The following CFAP92 variants were observed in gnomAD, a reference collection of about 807,000 sequenced individuals.
CFAP92 encodes the protein uncharacterized protein CFAP92.
Under a neutral mutation model 106.3 loss-of-function variants are expected in CFAP92, and 86 were observed. That is an observed-to-expected ratio of 0.81 (90% CI 0.68 to 0.97). The LOEUF (loss-of-function observed/expected upper bound fraction) is 0.97, where lower values mean the gene tolerates loss of function less well. Ranked by LOEUF, CFAP92 falls within the 50% of genes least tolerant of loss-of-function variation. The pLI is 0.00. For synonymous variants in CFAP92, 477 were observed against 506.4 expected, an observed-to-expected ratio of 0.94 and a Z score of 0.78; for missense variants, 1,204 against 1,283.8, an observed-to-expected ratio of 0.94 and a Z score of 0.95.
At position 128,982,611 on chromosome 3, in the gene CFAP92, A is replaced by G. The variant is rs529532900; in HGVS notation, c.668-4426T>C. On this transcript the variant is annotated intron_variant, in intron 4 of 15. Transcript: ENST00000645291. ...GCACAAGAGGCCTAGCTTTCATCCT[A>G]TCTAGGCTTTTCGATGTGGCTTCCT... Among the ~76,000 whole-genome samples the G allele has an allele frequency of 2.6e-5, 4 of 152,258 alleles. No individual in the cohort carries two copies. In the South Asian group the frequency reaches 8.3e-4, roughly 32 times the overall value.
In CFAP92 at chr3:128,932,682, G is replaced by A; in HGVS notation, c.2751+18C>T. 1 of 1,521,302 alleles carries A rather than the reference G, an allele frequency of 6.6e-7. No individual in the cohort carries two copies. The highest frequency in any genetic ancestry group is 1.2e-5 in the South Asian group (1 of 81,680). The allele number at this position is 1,521,302 out of a possible 1,614,324, so 94.2% of individuals were successfully genotyped here. On this transcript the variant is annotated intron_variant, in intron 12 of 15. Transcript: ENST00000645291. ...GGTGAGGCCTGGGAACCCCAAGTTG[G>A]GGAGGAAGGCGGCCCACCTGGATGA... is the stretch of plus-strand genomic sequence containing the variant.
chr3:128,939,975 G>A (rs1939468329), intron 10 of CFAP92, among the ~76,000 whole-genome samples: 1 of 152,254 alleles, frequency 6.6e-6, no homozygotes, highest in South Asian at 2.1e-4. Flanking sequence ...CCATGGCCTA[G>A]GGGTTGGAGA....
At chr3:128,986,871 C>A (rs1576633606) in intron 4 of CFAP92, among the ~76,000 whole-genome samples, 2 of 152,194 alleles carry the variant, frequency 1.3e-5, no homozygotes, top group East Asian at 3.9e-4. Context: ...AAAAGACTTT[C>A]TGACATTGGC....
At chr3:128,999,163 C>G (rs1032740294) in intron 1 of CFAP92, among the ~76,000 whole-genome samples, 3 of 152,200 alleles carry the variant, frequency 2.0e-5, no homozygotes, top group Admixed American at 2.0e-4. Context: ...CACAGACACA[C>G]GCCCATCCCC....
intron 12 of CFAP92, among the ~76,000 whole-genome samples, chr3:128,924,288 C>T (rs1409604956): frequency 6.6e-6 from 1 of 152,020 alleles, no homozygotes; most frequent in East Asian, 1.9e-4. Context: ...TGCTGCACCA[C>T]AATCTAAGCC....
In CFAP92 at chr3:128,975,803, T is replaced by G. The variant is rs1943117243; in HGVS notation, c.997A>C (p.Ile333Leu). 6.2e-7 allele frequency: 1 copy of G among 1,603,106 alleles called. No individual in the cohort carries two copies. Among genetic ancestry groups the G allele is most frequent in the African/African-American group, 1.3e-5 (1 of 74,798 alleles). The change falls in exon 7 of 16, where the codon ATA becomes CTA. Residue 333 changes from isoleucine to leucine, a missense_variant. Physicochemically the swap from Ile to Leu is conservative, Grantham distance 5. Transcript: ENST00000645291. ...CTTTGAGACCTTTGTCTGTCTAATA[T>G]GTTTGTTAAGCTGCTAAGTGATTCA... ...ESESLSSLTNILDRQRSQIKG... is the reference protein window; with the variant it reads ...ESESLSSLTNLLDRQRSQIKG...
upstream of CFAP92, among the ~76,000 whole-genome samples, chr3:129,004,298 C>A (rs1322873222): frequency 6.6e-6 from 1 of 152,038 alleles, no homozygotes; most frequent in Non-Finnish European, 1.5e-5. Context: ...TCCATTTATC[C>A]ATCCATCTGT....
At chr3:128,993,803 A>T (rs528577141) in intron 1 of CFAP92, 177 bp downstream of exon 1, 1 of 405,480 alleles carries the variant, frequency 2.5e-6, no homozygotes, top group Non-Finnish European at 3.6e-6. Flanking sequence ...TCCCCAAGAC[A>T]GAACATGAAT....
At chr3:128,997,822 A>G (rs1342303784), upstream of CFAP92, among the ~76,000 whole-genome samples, 1 of 152,224 alleles carries the variant, frequency 6.6e-6, no homozygotes, top group African/African-American at 2.4e-5. Flanking sequence ...GTCGATATCT[A>G]GGAGTGGAAG....
chr3:129,020,636 C>G, the CFAP92 span, among the ~76,000 whole-genome samples: 158 of 152,146 alleles, frequency 1.0e-3, 5 homozygotes, highest in Non-Finnish European at 1.6e-4. Context: ...CACCCTGTCT[C>G]AATAAATAAA....
At chr3:128,929,399 A>G (rs1479335652) in intron 12 of CFAP92, among the ~76,000 whole-genome samples, 1 of 152,196 alleles carries the variant, frequency 6.6e-6, no homozygotes, top group Non-Finnish European at 1.5e-5. Context: ...ACCTACCTAT[A>G]TGACCCAGCA....
At chr3:128,991,831 G>C in intron 2 of CFAP92, 1 of 988,272 alleles carries the variant, frequency 1.0e-6, no homozygotes, top group South Asian at 4.5e-5. Context: ...ATAATGGTGG[G>C]CTAGTTCAAG....
At chr3:128,975,036 C>T (rs977152382) in intron 7 of CFAP92, among the ~76,000 whole-genome samples, 1 of 150,030 alleles carries the variant, frequency 6.7e-6, no homozygotes, top group Non-Finnish European at 1.5e-5. Flanking sequence ...AGAAGAATGG[C>T]GTGAACCCGG....
At chr3:128,968,078 CA>C (rs34759691) in intron 8 of CFAP92, 47,087 of 151,866 alleles carry the variant, frequency 0.31, 7,430 homozygotes, top group East Asian at 0.55. Flanking sequence ...CAGTCCCAAA[CA>C]TGCGCTAATG....
At chr3:128,920,823 ATG>A (rs1242591878) in intron 12 of CFAP92, among the ~76,000 whole-genome samples, 1 of 152,182 alleles carries the variant, frequency 6.6e-6, no homozygotes, top group Non-Finnish European at 1.5e-5. Flanking sequence ...GGCCTCTGGA[ATG>A]TGTCTCGACT....
chr3:128,938,471 G>GT (rs1939281609), intron 10 of CFAP92, among the ~76,000 whole-genome samples: 1 of 148,316 alleles, frequency 6.7e-6, no homozygotes, highest in African/African-American at 2.5e-5. Flanking sequence ...AACAAGGCAA[G>GT]TGTGTGTGCC....
intron 5 of CFAP92, among the ~76,000 whole-genome samples, 172 bp from the exon 6 acceptor site, chr3:128,977,238 T>C (rs1201076560): frequency 2.0e-5 from 3 of 152,166 alleles, no homozygotes; most frequent in African/African-American, 7.2e-5. Context: ...CAGACTAATA[T>C]TTGATTATTT....
chr3:129,026,254 C>T, the CFAP92 span, among the ~76,000 whole-genome samples: 2 of 152,142 alleles, frequency 1.3e-5, no homozygotes, highest in Admixed American at 6.5e-5. Flanking sequence ...GGGATCCAGT[C>T]CACCCCAGGC....
chr3:128,969,856 ACT>A (rs1942656989), intron 8 of CFAP92: 1 of 152,038 alleles, frequency 6.6e-6, no homozygotes, highest in African/African-American at 2.4e-5. Flanking sequence ...CTGAAAGTTT[ACT>A]CTCTGTCACT....
Sources: allele counts gnomAD v4.1 joint callset (sites outside exome capture counted in the v4.1 genomes callset), GRCh38; gene constraint gnomAD v4.1.1; transcripts MANE v1.5; gene names NCBI Gene and HGNC (gene_info 2026-07-23, HGNC 2026-07-21).